Variants in PCLO observed in about 807,000 individuals in gnomAD.
PCLO encodes the protein piccolo presynaptic cytomatrix protein.
In PCLO, 82 loss-of-function variants were observed where a neutral mutation model predicts 427.5. The observed-to-expected ratio is 0.19, with a 90% confidence interval of 0.16 to 0.23. The LOEUF (loss-of-function observed/expected upper bound fraction) is 0.23, where lower values mean the gene tolerates loss of function less well. PCLO is among the 10% of genes least tolerant of loss of function. The probability of loss-of-function intolerance (pLI) is 1.00; values close to 1 mark genes in which losing one functional copy is unlikely to be tolerated. For missense variants in PCLO, 6,239 were observed against 6,115.9 expected, an observed-to-expected ratio of 1.02 and a Z score of -0.67; for synonymous variants, 2,357 against 2,155.4, an observed-to-expected ratio of 1.09 and a Z score of -2.59.
Position 82,835,647 on chromosome 7 carries a change from T to C in PCLO, c.14249+20A>G. ...AAGACATAGCAGCAGAGCTTGACAC[T>C]GAAAGAGAAACAACTCTACCTTGCA... is the stretch of plus-strand genomic sequence containing the variant. On this transcript the variant is annotated intron_variant, in intron 16 of 24. Transcript: ENST00000333891. The C allele has an allele frequency of 1.2e-6, 2 of 1,603,388 alleles. No individual in the cohort carries two copies. The highest frequency in any genetic ancestry group is 1.7e-6 in the Non-Finnish European group (2 of 1,173,370).
At chr7:83,142,977 C>A (rs972934419) in intron 2 of PCLO, among the ~76,000 whole-genome samples, 1 of 152,012 alleles carries the variant, frequency 6.6e-6, no homozygotes, top group Non-Finnish European at 1.5e-5. Context: ...AGAGCAAACA[C>A]TTATGCTTAC....
intron 3 of PCLO, among the ~76,000 whole-genome samples, chr7:83,023,738 T>C (rs556858481): frequency 2.0e-5 from 3 of 152,354 alleles, no homozygotes; most frequent in African/African-American, 7.2e-5. Flanking sequence ...TAAAATTTAA[T>C]AGTTTCACTT....
chr7:82,982,952 A>G (rs374672668), intron 3 of PCLO, among the ~76,000 whole-genome samples: 3 of 151,754 alleles, frequency 2.0e-5, no homozygotes, highest in Admixed American at 6.6e-5. Context: ...GTTTTTATCT[A>G]TATTTTAATT....
At position 82,845,444 on chromosome 7, in the gene PCLO, C is replaced by T. The variant is rs1472496363; in HGVS notation, c.13873G>A (p.Ala4625Thr). 1.2e-6 allele frequency: 2 copies of T among 1,613,080 alleles called. No homozygotes were observed. Among genetic ancestry groups the T allele is most frequent in the Admixed American group, 1.7e-5 (1 of 59,884 alleles). ...KSPGVDPKQL[A>T]AELQKVSLQQ... ...AGTGAAACCTTCTGGAGTTCTGCTG[C>T]CAACTGCTTAGGATCAACCCCTGGG... Residue 4625 changes from alanine to threonine, a missense_variant, in exon 13 of 25, where the codon GCA (alanine) becomes ACA (threonine). Physicochemically the swap from Ala to Thr is moderately conservative, Grantham distance 58. Around this residue, in one of 5 missense-constraint regions of PCLO, gnomAD observed 877 missense variants for 925.5 expected, o/e 0.95. Coordinates refer to ENST00000333891, the MANE Select transcript of PCLO (RefSeq NM_033026.6).
At chr7:82,779,071 CAT>C (rs1165966265) in intron 22 of PCLO, among the ~76,000 whole-genome samples, 1 of 152,060 alleles carries the variant, frequency 6.6e-6, no homozygotes, top group East Asian at 1.9e-4. Context: ...ATCTTTATGA[CAT>C]ACTGTATTCA....
At chr7:82,808,714 A>C (rs2129468899) in intron 20 of PCLO, among the ~76,000 whole-genome samples, 1 of 152,048 alleles carries the variant, frequency 6.6e-6, no homozygotes, top group South Asian at 2.1e-4. Flanking sequence ...TGTCTATGGA[A>C]ATTTTAGGCA....
chr7:83,156,400 AGT>A lies in PCLO; in HGVS notation c.249-10_249-9del. 1.6e-6 allele frequency: 2 copies of A among 1,264,242 alleles called. No homozygotes were observed. Among genetic ancestry groups the A allele is most frequent in the African/African-American group, 1.6e-5 (1 of 62,590 alleles). 78.3% of individuals were successfully genotyped at this position (1,264,242 alleles called of 1,614,324 possible). A position where few individuals can be genotyped will look rare whatever the true frequency, so the allele number is the denominator to read the frequency against. On this transcript the variant is annotated splice_polypyrimidine_tract_variant and intron_variant, in intron 1 of 24. Coordinates refer to ENST00000333891, the MANE Select transcript of PCLO (RefSeq NM_033026.6). ...CTATCCAACTCTTGTTTCCTAGAAG[AGT>A]TAAAAAAAAAAAAAAAAATCAAGTG...
chr7:83,083,102 A>C (rs1790144411), intron 3 of PCLO, among the ~76,000 whole-genome samples: 2 of 151,940 alleles, frequency 1.3e-5, no homozygotes, highest in Admixed American at 6.6e-5. Flanking sequence ...TATCCCACAC[A>C]CAAAATAAGT....
chr7:82,789,106 T>C (rs1412125037), intron 22 of PCLO, among the ~76,000 whole-genome samples: 2 of 152,048 alleles, frequency 1.3e-5, no homozygotes, highest in Non-Finnish European at 2.9e-5. Context: ...AATGAAATGC[T>C]AGACAAATCT....
chr7:82,896,269 C>A (rs1185890277), intron 9 of PCLO, among the ~76,000 whole-genome samples: 1 of 151,584 alleles, frequency 6.6e-6, no homozygotes, highest in African/African-American at 2.4e-5. Flanking sequence ...CACGGAAAAA[C>A]AAAATGTTGA....
Position 82,827,923 on chromosome 7 carries a change from T to TAA in PCLO, c.14291_14292dup (p.Asn4765LeufsTer9). The TAA allele has an allele frequency of 6.2e-7, 1 of 1,604,758 alleles. No homozygotes were observed. On this transcript the variant is annotated frameshift_variant, in exon 17 of 25. Transcript: ENST00000333891. LOFTEE classifies it high-confidence loss of function. ...ATTACTGTTTGATTCCACTCAGGAT[T>TAA]AAGACTTTTCTGGACATGTTTAGTC...
chr7:83,080,669 G>C (rs1462091337), intron 3 of PCLO, among the ~76,000 whole-genome samples: 3 of 151,844 alleles, frequency 2.0e-5, no homozygotes, highest in East Asian at 3.9e-4. Context: ...CTTTAATAAA[G>C]ATAAATATTA....
chr7:82,916,245 A>G lies in PCLO; in HGVS notation c.11741T>C (p.Leu3914Ser). ...TQQSHFEQQT[L>S]YHQQVSPYQT... ...ATAAGGTGAAACTTGCTGATGGTAC[A>G]AAGTTTGTTGCTCAAAATGAGACTG... Residue 3914 changes from leucine (L) to serine (S), a missense_variant, in exon 7 of 25, where the codon TTG becomes TCG. By Grantham distance (145) the Leu-to-Ser change is moderately radical. Around this residue, in one of 5 missense-constraint regions of PCLO, gnomAD observed 680 missense variants for 677.3 expected, o/e 1.00. Transcript: ENST00000333891. 6.2e-7 allele frequency: 1 copy of G among 1,613,758 alleles called. No individual in the cohort carries two copies.
At chr7:83,086,528 C>T (rs1790236869) in intron 3 of PCLO, among the ~76,000 whole-genome samples, 1 of 151,962 alleles carries the variant, frequency 6.6e-6, no homozygotes, top group South Asian at 2.1e-4. Flanking sequence ...TATATTAATA[C>T]CTGACTGTTT....
At chr7:83,136,801 C>T (rs28577991) in intron 2 of PCLO, among the ~76,000 whole-genome samples, 3,411 of 152,012 alleles carry the variant, frequency 0.022, 128 homozygotes, top group African/African-American at 0.077. Context: ...CATATATATA[C>T]ACAATATGCA....
At chr7:82,889,117 T>C (rs1170715493) in intron 9 of PCLO, among the ~76,000 whole-genome samples, 1 of 152,110 alleles carries the variant, frequency 6.6e-6, no homozygotes, top group African/African-American at 2.4e-5. Context: ...AACCTTTTGA[T>C]ACTAAAAACC....
intron 3 of PCLO, among the ~76,000 whole-genome samples, chr7:83,122,286 C>CTTTTTTTTTTTTT (rs71074624): frequency 8.6e-5 from 11 of 128,290 alleles, no homozygotes; most frequent in Non-Finnish European, 1.3e-4. Context: ...CTTTTCTTTT[C>CTTTTTTTTTTTTT]TTTTTTTTTT....
At chr7:83,051,245 G>A (rs542325577) in intron 3 of PCLO, among the ~76,000 whole-genome samples, 17 of 151,950 alleles carry the variant, frequency 1.1e-4, no homozygotes, top group African/African-American at 3.9e-4. Flanking sequence ...AGATATATAG[G>A]TTGGGAAGAA....
rs1261605145 is a variant in PCLO, at chr7:82,965,803, G to A, written c.3985C>T (p.Pro1329Ser). 2.5e-6 allele frequency: 4 copies of A among 1,612,040 alleles called. No individual in the cohort carries two copies. The highest frequency in any genetic ancestry group is 1.7e-5 in the Admixed American group (1 of 59,620). Residue 1329 changes from proline (P) to serine (S), a missense_variant, in exon 4 of 25, where the codon CCT (proline) becomes TCT (serine). Physicochemically the swap from Pro to Ser is moderately conservative, Grantham distance 74. This residue lies in a region of PCLO where 4,677 missense variants were observed against 4,468.4 expected (regional missense o/e 1.05). Coordinates refer to ENST00000333891, the MANE Select transcript of PCLO (RefSeq NM_033026.6). Reference protein sequence around the residue: ...EQPQPPCTAKPDQVEPGKEKT... With the variant: ...EQPQPPCTAKSDQVEPGKEKT... ...TCTTTCCCAGGTTCCACCTGATCAG[G>A]TTTTGCTGTGCATGGTGGCTGTGGC...
Sources: gnomAD v4.1 joint callset for allele counts (sites outside exome capture counted in the v4.1 genomes callset) on GRCh38, gnomAD v4.1.1 for gene constraint, gnomAD v4.1.1 regional missense constraint, MANE v1.5 for transcripts, NCBI Gene and HGNC (gene_info 2026-07-23, HGNC 2026-07-21) for gene names.